Variants in RBM41 observed in about 807,000 individuals in gnomAD.
The protein encoded by RBM41 is RNA-binding protein 41.
In RBM41, 14 loss-of-function variants were observed where a neutral mutation model predicts 30.8. That is an observed-to-expected ratio of 0.45 (90% CI 0.30 to 0.71). RBM41 has a LOEUF of 0.71. Ranked by LOEUF, RBM41 falls within the 30% of genes least tolerant of loss-of-function variation. RBM41 has a pLI of 0.08. For synonymous variants in RBM41, 120 were observed against 110.1 expected (o/e 1.09, Z -0.56); for missense variants, 276 against 326.3 (o/e 0.85, Z 1.19).
In RBM41 at chrX:107,064,708, T is replaced by C. The variant is rs1410868900; in HGVS notation, c.*2819A>G. 1.8e-5 allele frequency: 2 copies of C among 112,150 alleles called. No homozygotes were observed. The highest frequency in any genetic ancestry group is 6.5e-5 in the African/African-American group (2 of 30,855). 9.2% of individuals were successfully genotyped at this position (112,150 alleles called of 1,213,427 possible). A position where few individuals can be genotyped will look rare whatever the true frequency, so the allele number is the denominator to read the frequency against. On this transcript the variant is annotated 3_prime_UTR_variant, in exon 8 of 8. Transcript: ENST00000685964. ...TTTATGCTTTAACTTATGACCTATT[T>C]TGGAGATGTTTCATATGCACTCGAG...
rs1935714656 is a variant in RBM41, at chrX:107,063,367, G to A, written c.*4160C>T. 8.9e-6 allele frequency among the ~76,000 whole-genome samples: 1 copy of A among 112,079 alleles called. No homozygotes were observed. The highest frequency in any genetic ancestry group is 3.2e-5 in the African/African-American group (1 of 30,893). On this transcript the variant is annotated 3_prime_UTR_variant, in exon 8 of 8. Coordinates refer to ENST00000685964, the MANE Select transcript of RBM41 (RefSeq NM_001324242.2). ...AGCATATTCTGAGTTCTTCCATGTT[G>A]TAGTATGTGTCAGAAGTGTTCACCA...
chrX:107,066,091 A>G lies in RBM41; in HGVS notation c.*1436T>C, dbSNP rs1249482445. ...TTTTTGAAAAATAGTTTTATTGTAT[A>G]TAGGATTATTGGTTGACAGTTATTT... On this transcript the variant is annotated 3_prime_UTR_variant, in exon 8 of 8. Transcript: ENST00000685964. Among the ~76,000 whole-genome samples the G allele has an allele frequency of 1.8e-5, 2 of 111,865 alleles. No homozygotes were observed. Among genetic ancestry groups the G allele is most frequent in the African/African-American group, 6.5e-5 (2 of 30,786 alleles).
intron 6 of RBM41, among the ~76,000 whole-genome samples, chrX:107,086,949 G>C (rs1480620502): frequency 1.8e-5 from 2 of 111,904 alleles, no homozygotes; most frequent in African/African-American, 3.2e-5. Context: ...TAGAATGATA[G>C]AGTATGTCAT....
At chrX:107,100,830 G>GC (rs1370125241) in intron 5 of RBM41, among the ~76,000 whole-genome samples, 1 of 111,681 alleles carries the variant, frequency 9.0e-6, no homozygotes, top group East Asian at 2.8e-4. Context: ...GATATATACA[G>GC]CCCCCCAAAT....
chrX:107,052,601 G>A, the RBM41 span, among the ~76,000 whole-genome samples: 2 of 111,447 alleles, frequency 1.8e-5, no homozygotes, highest in East Asian at 5.6e-4. Flanking sequence ...TCGGAACAAG[G>A]GCTAGCAGGC....
At chrX:107,078,196 T>G (rs941184015) in intron 6 of RBM41, among the ~76,000 whole-genome samples, 1 of 111,536 alleles carries the variant, frequency 9.0e-6, no homozygotes, top group Non-Finnish European at 1.9e-5. Context: ...GGTGTTGGCC[T>G]TAATCACCTG....
At chrX:107,087,216 C>T (rs1238502813) in intron 6 of RBM41, among the ~76,000 whole-genome samples, 3 of 111,044 alleles carry the variant, frequency 2.7e-5, no homozygotes, top group Non-Finnish European at 3.8e-5. Flanking sequence ...GGTTGGCTGG[C>T]TACACAGGTA....
At chrX:107,100,247 G>A (rs1442208252) in intron 5 of RBM41, among the ~76,000 whole-genome samples, 2 of 112,406 alleles carry the variant, frequency 1.8e-5, no homozygotes, top group East Asian at 5.6e-4. Context: ...TGGATCACTG[G>A]AGGTCAGGAG....
chrX:107,106,212 A>G (rs1923968535), intron 5 of RBM41, among the ~76,000 whole-genome samples: 1 of 112,357 alleles, frequency 8.9e-6, no homozygotes, highest in African/African-American at 3.2e-5. Context: ...GGCGAAGGAT[A>G]TGAACAGACA....
chrX:107,069,948 T>C (rs376529628), intron 6 of RBM41: 2 of 134,875 alleles, frequency 1.5e-5, no homozygotes, highest in South Asian at 2.1e-4. Flanking sequence ...ATCTGGAAGA[T>C]GAAAAATAAT....
intron 1 of RBM41, among the ~76,000 whole-genome samples, chrX:107,118,551 G>A (rs1257950614): frequency 1.8e-5 from 2 of 111,384 alleles, no homozygotes; most frequent in Non-Finnish European, 3.8e-5. Flanking sequence ...CATTCCCACA[G>A]CAGCCGGCCC....
intron 2 of RBM41, 123 bp from the exon 3 acceptor site, chrX:107,116,177 T>C (rs1489003758): frequency 4.5e-5 from 45 of 998,128 alleles, no homozygotes; most frequent in Non-Finnish European, 5.7e-5. Flanking sequence ...ACATCTTATT[T>C]CTAAGCTGAA....
In RBM41 at chrX:107,069,343, G is replaced by A. The variant is rs200029592; in HGVS notation, c.1059C>T (p.Phe353=). 3.1e-5 allele frequency: 38 copies of A among 1,206,992 alleles called. No individual in the cohort carries two copies. Among genetic ancestry groups the A allele is most frequent in the Admixed American group, 4.4e-5 (2 of 45,599 alleles). ...RVTERDLVSL[F]ARFQEKKGPP... ...GTCCTTTTTTCTCCTGGAACCGAGC[G>A]AACAATGACACAAGATCTCTTTCAG... Residue 353 remains phenylalanine (F), a synonymous_variant, in exon 7 of 8, where the codon TTC becomes TTT. Transcript: ENST00000685964.
intron 5 of RBM41, among the ~76,000 whole-genome samples, chrX:107,090,870 C>T (rs1443077871): frequency 9.1e-6 from 1 of 110,151 alleles, no homozygotes; most frequent in Non-Finnish European, 1.9e-5. Flanking sequence ...TATACATGTG[C>T]CATGGTGGTT....
At chrX:107,080,278 T>TA (rs748867061) in intron 6 of RBM41, among the ~76,000 whole-genome samples, 4,295 of 93,798 alleles carry the variant, frequency 0.046, 135 homozygotes, top group African/African-American at 0.11. Flanking sequence ...AATATATCCA[T>TA]AAAAAAAAAA....
intron 6 of RBM41, among the ~76,000 whole-genome samples, chrX:107,082,157 T>C (rs1921581986): frequency 9.0e-6 from 1 of 111,688 alleles, no homozygotes; most frequent in African/African-American, 3.2e-5. Flanking sequence ...GTGTTGCAGA[T>C]ATTCTTTATC....
At chrX:107,101,935 T>C (rs957892855) in intron 5 of RBM41, among the ~76,000 whole-genome samples, 1 of 111,615 alleles carries the variant, frequency 9.0e-6, no homozygotes, top group Non-Finnish European at 1.9e-5. Context: ...GAGGAGATTG[T>C]TGGTAGAAAT....
chrX:107,063,049 A>G lies in RBM41; in HGVS notation c.*4478T>C, dbSNP rs187526697. ...CTACTTTTGTGAGTTTTATTGAGATATAATTCATACACCACACAATTCACC... is the reference window on the plus strand; with the variant it reads ...CTACTTTTGTGAGTTTTATTGAGATGTAATTCATACACCACACAATTCACC... On this transcript the variant is annotated 3_prime_UTR_variant, in exon 8 of 8. Coordinates refer to ENST00000685964, the MANE Select transcript of RBM41 (RefSeq NM_001324242.2). 4.5e-5 allele frequency among the ~76,000 whole-genome samples: 5 copies of G among 111,699 alleles called. No homozygotes were observed. The East Asian group carries it at 1.4e-3, about 31-fold the overall frequency.
At position 107,075,580 on chromosome X, in the gene RBM41, TAAAC is replaced by T. The variant is rs1279019590; in HGVS notation, c.1000-6182_1000-6179del. Among the ~76,000 whole-genome samples the T allele has an allele frequency of 4.5e-5, 5 of 111,929 alleles. No individual in the cohort carries two copies. The Admixed American group carries it at 4.7e-4, about 11-fold the overall frequency. ...CTCATTAAAATATGGGCAAAAGACT[TAAAC>T]AGACATTTCTCCAAAGAGATATAAA... On this transcript the variant is annotated intron_variant, in intron 6 of 7. Transcript: ENST00000685964.
Sources: gnomAD v4.1 joint callset for allele counts (sites outside exome capture counted in the v4.1 genomes callset) on GRCh38, gnomAD v4.1.1 for gene constraint, MANE v1.5 for transcripts, NCBI Gene and HGNC (gene_info 2026-07-23, HGNC 2026-07-21) for gene names.